The following SPICE1 variants were observed in gnomAD, a reference collection of about 807,000 sequenced individuals.
SPICE1 encodes spindle and centriole-associated protein 1.
In SPICE1, 75 loss-of-function variants were observed where a neutral mutation model predicts 102.7. The ratio of observed to expected loss-of-function variants is 0.73; its 90% CI spans 0.61 to 0.88. SPICE1 has a LOEUF of 0.88. SPICE1 is among the 40% of genes least tolerant of loss of function. The pLI is 0.00. For missense variants in SPICE1, 979 were observed against 1,020.1 expected (o/e 0.96, Z 0.55); for synonymous variants, 308 against 350.3 (o/e 0.88, Z 1.35).
intron 6 of SPICE1, among the ~76,000 whole-genome samples, chr3:113,491,395 C>T (rs1445009568): frequency 6.6e-6 from 1 of 151,294 alleles, no homozygotes; most frequent in Admixed American, 6.6e-5. Flanking sequence ...CCGAGGCGGG[C>T]GGATCACAAG....
At chr3:113,484,811 G>T (rs532270758) in intron 7 of SPICE1, among the ~76,000 whole-genome samples, 1 of 151,738 alleles carries the variant, frequency 6.6e-6, no homozygotes, top group African/African-American at 2.4e-5. Flanking sequence ...GAAAAAGTAC[G>T]ATGAGGTACT....
At chr3:113,482,136 G>A (rs1936524795) in intron 7 of SPICE1, among the ~76,000 whole-genome samples, 1 of 152,142 alleles carries the variant, frequency 6.6e-6, no homozygotes, top group Admixed American at 6.5e-5. Context: ...TCTCATTGTG[G>A]TTTTGATTTG....
intron 10 of SPICE1, among the ~76,000 whole-genome samples, chr3:113,466,608 C>CA (rs540786121): frequency 0.013 from 1,296 of 101,344 alleles, 19 homozygotes; most frequent in African/African-American, 0.038. Flanking sequence ...GACTCTGTCT[C>CA]AAAAAAAAAA....
rs1016172691 is a variant in SPICE1 at position 113,453,895 on chromosome 3, T to C, written c.1713A>G (p.Glu571=). The C allele has an allele frequency of 1.2e-6, 2 of 1,614,078 alleles. No individual in the cohort carries two copies. Among genetic ancestry groups the C allele is most frequent in the Non-Finnish European group, 1.7e-6 (2 of 1,180,024 alleles). The change falls in exon 14 of 18, where the codon GAA becomes GAG. Residue 571 remains glutamate, a synonymous_variant. Transcript: ENST00000295872. ...RPAPRLPPTV[E]IIEKEQNWEE... ...CCCAATTTTGTTCCTTCTCAATTAT[T>C]TCCACAGTTGGAGGAAGTCGTGGAG... is the stretch of plus-strand genomic sequence containing the variant.
At chr3:113,491,456 T>C (rs185773981) in intron 6 of SPICE1, among the ~76,000 whole-genome samples, 6,350 of 150,404 alleles carry the variant, frequency 0.042, 161 homozygotes, top group East Asian at 0.1. Flanking sequence ...CCGTCTCTAC[T>C]AAAAAATACA....
intron 16 of SPICE1, 71 bp from the exon 17 acceptor site, chr3:113,446,747 A>G: frequency 8.2e-7 from 1 of 1,221,418 alleles, no homozygotes; most frequent in Non-Finnish European, 1.2e-6. Context: ...TATGCAAACA[A>G]CTGACAATTC....
intron 7 of SPICE1, among the ~76,000 whole-genome samples, chr3:113,483,310 G>C (rs1324003290): frequency 6.6e-6 from 1 of 152,194 alleles, no homozygotes; most frequent in Non-Finnish European, 1.5e-5. Flanking sequence ...TTTGGGCTGA[G>C]ACGATGGTGT....
chr3:113,453,342 CAT>C, intron 14 of SPICE1, 122 bp downstream of exon 14: 1 of 1,194,718 alleles, frequency 8.4e-7, no homozygotes, highest in East Asian at 2.3e-5. Context: ...ACATGCCAAA[CAT>C]AAGCCATCTA....
At chr3:113,486,862 GATATATAT>G (rs141247316) in intron 7 of SPICE1, among the ~76,000 whole-genome samples, 1 of 144,006 alleles carries the variant, frequency 6.9e-6, no homozygotes, top group Admixed American at 7.0e-5. Flanking sequence ...AAAATAAGGA[GATATATAT>G]ATATATATAT....
At chr3:113,476,441 G>C (rs1322448133) in intron 7 of SPICE1, among the ~76,000 whole-genome samples, 4 of 149,822 alleles carry the variant, frequency 2.7e-5, no homozygotes, top group Admixed American at 2.0e-4. Context: ...CTACTTTAAA[G>C]TTCATATGGA....
chr3:113,460,790 T>C, intron 11 of SPICE1, 26 bp from the exon 12 acceptor site: 1 of 1,557,692 alleles, frequency 6.4e-7, no homozygotes, highest in Non-Finnish European at 8.6e-7. Flanking sequence ...TATGAAATAA[T>C]ATTATTAGCA....
At chr3:113,507,290 A>G (rs1937130896) in intron 1 of SPICE1, among the ~76,000 whole-genome samples, 1 of 152,162 alleles carries the variant, frequency 6.6e-6, no homozygotes, top group Admixed American at 6.6e-5. Flanking sequence ...ACATTACACC[A>G]AATTAGAAAA....
intron 7 of SPICE1, among the ~76,000 whole-genome samples, chr3:113,484,812 A>T (rs1172046435): frequency 1.3e-5 from 2 of 151,948 alleles, no homozygotes; most frequent in Non-Finnish European, 2.9e-5. Flanking sequence ...AAAAAGTACG[A>T]TGAGGTACTG....
intron 13 of SPICE1, 118 bp downstream of exon 13, chr3:113,457,018 C>A: frequency 2.1e-6 from 2 of 961,356 alleles, no homozygotes; most frequent in Non-Finnish European, 3.1e-6. Context: ...AGCTTAAAGG[C>A]TATGTGTGGT....
intron 17 of SPICE1, among the ~76,000 whole-genome samples, chr3:113,445,908 GACA>G: frequency 6.6e-6 from 1 of 152,042 alleles, no homozygotes; most frequent in African/African-American, 2.4e-5. Flanking sequence ...CCCAATGTCA[GACA>G]CTTATTGGCT....
chr3:113,446,764 C>G, intron 16 of SPICE1, 88 bp from the exon 17 acceptor site: 1 of 1,040,468 alleles, frequency 9.6e-7, no homozygotes, highest in Non-Finnish European at 1.5e-6. Context: ...ATTCTCAATA[C>G]TGGCAAGAGC....
chr3:113,498,828 T>A (rs1022246834), intron 4 of SPICE1: 4 of 152,240 alleles, frequency 2.6e-5, no homozygotes, highest in African/African-American at 9.6e-5. Context: ...TGCTGTAGTT[T>A]CCTCTTATTT....
rs1553765232 is a variant in SPICE1 at position 113,444,513 on chromosome 3, AAG to A, written c.*792_*793del. 1 of 151,980 alleles carries A rather than the reference AAG, an allele frequency of 6.6e-6. No individual in the cohort carries two copies. The highest frequency in any genetic ancestry group is 1.5e-5 in the Non-Finnish European group (1 of 67,996). The allele number at this position is 151,980 out of a possible 1,614,324, so 9.4% of individuals were successfully genotyped here. The stretch of plus-strand genomic sequence containing the variant: ...GACTCTGTCTCAAAAAAAAAAAAAA[AAG>A]AGAAATCTACCCTGAAAGATCTGCT... On this transcript the variant is annotated 3_prime_UTR_variant, in exon 18 of 18. Transcript: ENST00000295872.
At chr3:113,472,241 G>A (rs57797139) in intron 7 of SPICE1, among the ~76,000 whole-genome samples, 3,922 of 152,330 alleles carry the variant, frequency 0.026, 65 homozygotes, top group East Asian at 0.054. Flanking sequence ...AGGGGCACCC[G>A]CCATTGCCCA....
Sources: gnomAD v4.1 joint callset for allele counts (sites outside exome capture counted in the v4.1 genomes callset) on GRCh38, gnomAD v4.1.1 for gene constraint, MANE v1.5 for transcripts, NCBI Gene and HGNC (gene_info 2026-07-23, HGNC 2026-07-21) for gene names.